BCL7B: variants seen among roughly 807,000 people sequenced by gnomAD.
BCL7B encodes the protein BAF chromatin remodeling complex subunit BCL7B.
A neutral mutation model predicts 26.5 loss-of-function variants in BCL7B; 11 were observed. That is an observed-to-expected ratio of 0.42 (90% CI 0.26 to 0.69). The LOEUF is 0.69. Ranked by LOEUF, BCL7B falls within the 30% of genes least tolerant of loss-of-function variation. The probability of loss-of-function intolerance (pLI) is 0.28; values close to 1 mark genes in which losing one functional copy is unlikely to be tolerated. For missense variants in BCL7B, 215 were observed against 264.4 expected (o/e 0.81, Z 1.30); for synonymous variants, 111 against 107.9 (o/e 1.03, Z -0.18).
rs1791544402 is a variant in BCL7B, at chr7:73,536,757, C to G, written c.*541G>C. ...CCACCTCAGGCATGGGCAGAGCTGG[C>G]AGGACAGCAAGAAATCTAGACGGAC... On this transcript the variant is annotated 3_prime_UTR_variant, in exon 6 of 6. Coordinates refer to ENST00000223368, the MANE Select transcript of BCL7B (RefSeq NM_001707.4). The G allele has an allele frequency of 6.5e-6, 1 of 153,348 alleles. No homozygotes were observed. The highest frequency in any genetic ancestry group is 1.5e-5 in the Non-Finnish European group (1 of 68,812). The allele number at this position is 153,348 out of a possible 1,614,324, so 9.5% of individuals were successfully genotyped here.
At chr7:73,554,983 G>A (rs1554584572) in intron 1 of BCL7B, among the ~76,000 whole-genome samples, 1 of 152,148 alleles carries the variant, frequency 6.6e-6, no homozygotes, top group Non-Finnish European at 1.5e-5. Context: ...CAGGGAACAA[G>A]ATCCACAGTC....
intron 2 of BCL7B, among the ~76,000 whole-genome samples, chr7:73,545,554 C>G (rs1476648787): frequency 6.6e-6 from 1 of 152,122 alleles, no homozygotes; most frequent in Admixed American, 6.6e-5. Flanking sequence ...GCATCTACTC[C>G]TGTCTATACA....
At chr7:73,544,475 A>ATT (rs1554583277) in intron 2 of BCL7B, among the ~76,000 whole-genome samples, 50 of 151,972 alleles carry the variant, frequency 3.3e-4, no homozygotes, top group African/African-American at 1.2e-3. Context: ...AAAATACAAA[A>ATT]ATGAGCCTGG....
At chr7:73,544,605 G>A (rs919259488) in intron 2 of BCL7B, among the ~76,000 whole-genome samples, 19 of 151,976 alleles carry the variant, frequency 1.3e-4, no homozygotes, top group African/African-American at 1.7e-4. Flanking sequence ...CAGCCTGGGC[G>A]AAAGAGCGAA....
At chr7:73,556,413 C>T (rs1373953251) in intron 1 of BCL7B, among the ~76,000 whole-genome samples, 7 of 152,128 alleles carry the variant, frequency 4.6e-5, no homozygotes, top group African/African-American at 1.7e-4. Context: ...TGGCCTCAAG[C>T]GATCCGCCCA....
In BCL7B at chr7:73,557,516, C is replaced by A; in HGVS notation, c.63G>T (p.Val21=). ...TCCGCACTTTCTCGATGGCCGCCAT[C>A]ACCTTCTTGATGTCGTCCTTGGCCC... The part of the protein sequence containing the change: ...RSRAKDDIKK[V]MAAIEKVRKW... Residue 21 remains valine, a synonymous_variant, in exon 1 of 6, where the codon GTG becomes GTT. Coordinates refer to ENST00000223368, the MANE Select transcript of BCL7B (RefSeq NM_001707.4). 1 of 1,453,740 alleles carries A rather than the reference C, an allele frequency of 6.9e-7. No homozygotes were observed. The highest frequency in any genetic ancestry group is 9.1e-7 in the Non-Finnish European group (1 of 1,093,352). 90.1% of individuals were successfully genotyped at this position (1,453,740 alleles called of 1,614,324 possible).
chr7:73,556,743 T>A (rs1792374217), intron 1 of BCL7B, among the ~76,000 whole-genome samples: 1 of 152,126 alleles, frequency 6.6e-6, no homozygotes, highest in South Asian at 2.1e-4. Flanking sequence ...CACCACAGCC[T>A]CCCAAGTAAG....
In BCL7B at chr7:73,552,742, C is replaced by A. The variant is rs1584001088; in HGVS notation, c.93-500G>T. On this transcript the variant is annotated intron_variant, in intron 1 of 5. Transcript: ENST00000223368. ...GTTGCAGTAAACTGAGATCACGCCA[C>A]CACACTCCAGCCTGGGCAACAGAGA... 2.0e-5 allele frequency among the ~76,000 whole-genome samples: 3 copies of A among 151,612 alleles called. No homozygotes were observed. In the South Asian group the frequency reaches 6.2e-4, roughly 31 times the overall value.
At chr7:73,553,274 G>A (rs1792245525) in intron 1 of BCL7B, among the ~76,000 whole-genome samples, 1 of 151,952 alleles carries the variant, frequency 6.6e-6, no homozygotes, top group Non-Finnish European at 1.5e-5. Context: ...ACCCTTCCAA[G>A]GGGCAAACAA....
intron 2 of BCL7B, among the ~76,000 whole-genome samples, chr7:73,544,800 T>G (rs1554583323): frequency 1.3e-5 from 2 of 152,180 alleles, no homozygotes. Flanking sequence ...GGCTCATGCC[T>G]GTAATCCCAG....
intron 5 of BCL7B, 22 bp downstream of exon 5, chr7:73,537,912 A>G: frequency 1.9e-6 from 3 of 1,555,172 alleles, no homozygotes; most frequent in Non-Finnish European, 2.6e-6. Flanking sequence ...AAAAAACTGG[A>G]AAACTCAAAG....
chr7:73,539,664 G>A (rs1387484168), intron 4 of BCL7B: 2 of 531,432 alleles, frequency 3.8e-6, no homozygotes, highest in East Asian at 5.8e-5. Context: ...AAATACTCAA[G>A]TTCCTTCCAC....
rs781827999 is a variant in BCL7B at position 73,557,475 on chromosome 7, C to T, written c.92+12G>A. Reference sequence around the variant, plus strand: ...GCGACCCCCGCCAGCCCCCTAAGCTCCGGCCCCTCACCATTTCCGCACTTT... The same window carrying T: ...GCGACCCCCGCCAGCCCCCTAAGCTTCGGCCCCTCACCATTTCCGCACTTT... On this transcript the variant is annotated intron_variant, in intron 1 of 5. Coordinates refer to ENST00000223368, the MANE Select transcript of BCL7B (RefSeq NM_001707.4). 3 of 1,402,142 alleles carry T rather than the reference C, an allele frequency of 2.1e-6. No homozygotes were observed. Among genetic ancestry groups the T allele is most frequent in the Non-Finnish European group, 2.8e-6 (3 of 1,065,014 alleles). 86.9% of individuals were successfully genotyped at this position (1,402,142 alleles called of 1,614,324 possible).
intron 1 of BCL7B, 126 bp downstream of exon 1, chr7:73,557,361 C>G (rs1378265561): frequency 1.7e-6 from 2 of 1,181,876 alleles, no homozygotes; most frequent in Non-Finnish European, 2.1e-6. Context: ...GCGCCCTCCT[C>G]CCGCCTTCTC....
chr7:73,557,350 G>A (rs1263370355), intron 1 of BCL7B, 137 bp downstream of exon 1: 4 of 1,180,750 alleles, frequency 3.4e-6, no homozygotes, highest in African/African-American at 3.2e-5. Flanking sequence ...CGACGCCAGC[G>A]GCGCCCTCCT....
rs781978459 is a variant in BCL7B at position 73,537,270 on chromosome 7, G to C, written c.*28C>G. Reference sequence around the variant, plus strand: ...ACCAGAATGCAATAAATAGAGGCAGGGCCAGGAGGCGGAGGGCCGGGATGG... The same window carrying C: ...ACCAGAATGCAATAAATAGAGGCAGCGCCAGGAGGCGGAGGGCCGGGATGG... On this transcript the variant is annotated 3_prime_UTR_variant, in exon 6 of 6. Transcript: ENST00000223368. 1.9e-6 allele frequency: 3 copies of C among 1,610,420 alleles called. No homozygotes were observed. The highest frequency in any genetic ancestry group is 1.7e-6 in the Non-Finnish European group (2 of 1,177,146).
Position 73,552,267 on chromosome 7 carries a change from C to G in BCL7B, c.93-25G>C, listed in dbSNP as rs371289873. Reference sequence around the variant, plus strand: ...CCTAAAAGAAAGACACTTCTTAGAACGGATAAAACAATGCAATGTGTTTTC... The same window carrying G: ...CCTAAAAGAAAGACACTTCTTAGAAGGGATAAAACAATGCAATGTGTTTTC... On this transcript the variant is annotated intron_variant, in intron 1 of 5. Transcript: ENST00000223368. 1.9e-6 allele frequency: 3 copies of G among 1,576,426 alleles called. No homozygotes were observed. In the African/African-American group the frequency reaches 4.1e-5, roughly 21 times the overall value.
intron 2 of BCL7B, 97 bp from the exon 3 acceptor site, chr7:73,543,741 A>T: frequency 7.9e-6 from 7 of 888,468 alleles, no homozygotes; most frequent in Admixed American, 2.1e-5. Context: ...GGTCTGGATT[A>T]GGACTGAACA....
chr7:73,550,795 C>T (rs1315723134), intron 2 of BCL7B, among the ~76,000 whole-genome samples: 1 of 151,626 alleles, frequency 6.6e-6, no homozygotes, highest in African/African-American at 2.4e-5. Flanking sequence ...GTAGCTGGGA[C>T]TACAGGCGCC....
Sources: allele counts gnomAD v4.1 joint callset (sites outside exome capture counted in the v4.1 genomes callset), GRCh38; gene constraint gnomAD v4.1.1; transcripts MANE v1.5; gene names NCBI Gene and HGNC (gene_info 2026-07-23, HGNC 2026-07-21).